The following CSGALNACT1 variants were observed in gnomAD, a reference collection of about 807,000 sequenced individuals.
The protein encoded by CSGALNACT1 is chondroitin sulfate N-acetylgalactosaminyltransferase 1.
In CSGALNACT1, 52 loss-of-function variants were observed where a neutral mutation model predicts 51.0. That is an observed-to-expected ratio of 1.02 (90% CI 0.82 to 1.29). The LOEUF is 1.29. CSGALNACT1 is among the 50% of genes most tolerant of loss of function. The pLI, the probability that CSGALNACT1 is intolerant of heterozygous loss-of-function variation, is 0.00. For missense variants in CSGALNACT1, 935 were observed against 679.2 expected, an observed-to-expected ratio of 1.38 and a Z score of -4.19; for synonymous variants, 341 against 254.4, an observed-to-expected ratio of 1.34 and a Z score of -3.24.
At chr8:19,601,203 C>A (rs2050354617) in intron 2 of CSGALNACT1, among the ~76,000 whole-genome samples, 1 of 152,168 alleles carries the variant, frequency 6.6e-6, no homozygotes. Context: ...TGTCCCCGGA[C>A]TAAAACCAAG....
At chr8:19,450,937 T>TAA (rs201185027) in intron 5 of CSGALNACT1, among the ~76,000 whole-genome samples, 4 of 149,950 alleles carry the variant, frequency 2.7e-5, no homozygotes, top group Non-Finnish European at 4.5e-5. Context: ...TAAAAAATAA[T>TAA]AAAAAAAAAG....
At chr8:19,513,434 C>CTATATATATATATATATATA (rs1353825526) in intron 3 of CSGALNACT1, among the ~76,000 whole-genome samples, 17 of 66,546 alleles carry the variant, frequency 2.6e-4, no homozygotes, top group Non-Finnish European at 4.9e-4. Context: ...CTCTCTCTCT[C>CTATATATATATATATATATA]TCTATATATA....
intron 1 of CSGALNACT1, among the ~76,000 whole-genome samples, chr8:19,751,770 C>T (rs917424948): frequency 2.6e-5 from 4 of 152,058 alleles, no homozygotes; most frequent in Non-Finnish European, 5.9e-5. Flanking sequence ...GCACTTCCCC[C>T]TTGGCTCTCT....
chr8:19,641,104 G>A (rs1250783415), intron 1 of CSGALNACT1, among the ~76,000 whole-genome samples: 1 of 132,816 alleles, frequency 7.5e-6, no homozygotes, highest in African/African-American at 2.8e-5. Flanking sequence ...GAATCTACCT[G>A]TATTACCAAT....
chr8:19,715,915 G>A (rs1474279147), intron 1 of CSGALNACT1, among the ~76,000 whole-genome samples: 1 of 152,164 alleles, frequency 6.6e-6, no homozygotes, highest in Non-Finnish European at 1.5e-5. Flanking sequence ...AGTGACTGCT[G>A]CACTCTCAGA....
At chr8:19,410,687 G>A (rs575568776) in intron 8 of CSGALNACT1, among the ~76,000 whole-genome samples, 1 of 152,368 alleles carries the variant, frequency 6.6e-6, no homozygotes, top group East Asian at 1.9e-4. Context: ...GGAACAGCGT[G>A]ATGGAGGCAG....
chr8:19,443,864 C>T (rs1291030759), intron 5 of CSGALNACT1, among the ~76,000 whole-genome samples: 2 of 152,068 alleles, frequency 1.3e-5, no homozygotes, highest in Non-Finnish European at 2.9e-5. Context: ...TCATGGAAGA[C>T]AATTTTTCCA....
chr8:19,577,538 G>C (rs1197555906), intron 3 of CSGALNACT1, among the ~76,000 whole-genome samples: 1 of 147,596 alleles, frequency 6.8e-6, no homozygotes. Context: ...TCCAGCCTCA[G>C]TGACAGCAAG....
chr8:19,600,161 C>T (rs1473561782), intron 2 of CSGALNACT1, among the ~76,000 whole-genome samples: 1 of 152,160 alleles, frequency 6.6e-6, no homozygotes, highest in Non-Finnish European at 1.5e-5. Flanking sequence ...TGGCTCACTG[C>T]AACCTCCACC....
At chr8:19,654,997 GAAAGACTGACATACATTCCTTTATTTAAA>G (rs1440445632) in intron 1 of CSGALNACT1, among the ~76,000 whole-genome samples, 1 of 151,900 alleles carries the variant, frequency 6.6e-6, no homozygotes, top group African/African-American at 2.4e-5. Context: ...TAAAAAGGAA[GAAAGACTGACATACATTCCTTTATTTAAA>G]AAATGGGTAT....
chr8:19,459,270 C>A (rs1218776543), intron 4 of CSGALNACT1, among the ~76,000 whole-genome samples: 1 of 150,114 alleles, frequency 6.7e-6, no homozygotes, highest in Non-Finnish European at 1.5e-5. Context: ...GTAACCCTGG[C>A]TACTTGGGAG....
intron 1 of CSGALNACT1, among the ~76,000 whole-genome samples, chr8:19,643,087 A>G (rs936645702): frequency 3.3e-5 from 5 of 152,136 alleles, no homozygotes; most frequent in African/African-American, 1.2e-4. Flanking sequence ...AAAAATTAAA[A>G]TTAATAAATT....
chr8:19,594,259 C>G lies in CSGALNACT1; in HGVS notation c.-415-2981G>C, dbSNP rs77002486. Among the ~76,000 whole-genome samples, 62 of 152,158 alleles carry G rather than the reference C, an allele frequency of 4.1e-4. No homozygotes were observed. The East Asian group carries it at 8.5e-3, about 21-fold the overall frequency. ...AGCTAGAGGTGTATGAAAAAACTAC[C>G]AGAGTTTATTGTCACAATATAGAAA... On this transcript the variant is annotated intron_variant, in intron 2 of 9. Transcript: ENST00000454498.
intron 3 of CSGALNACT1, among the ~76,000 whole-genome samples, chr8:19,518,104 AT>A (rs2079918343): frequency 6.6e-6 from 1 of 152,236 alleles, no homozygotes; most frequent in Admixed American, 6.5e-5. Flanking sequence ...GAGGGGACTA[AT>A]TTAAAAATGA....
intron 1 of CSGALNACT1, chr8:19,642,086 C>G (rs575386330): frequency 5.9e-5 from 9 of 152,280 alleles, no homozygotes; most frequent in African/African-American, 1.9e-4. Context: ...AGGAAAATGG[C>G]TTGTTAAATA....
intron 3 of CSGALNACT1, among the ~76,000 whole-genome samples, chr8:19,567,908 T>C (rs1365265523): frequency 6.6e-6 from 1 of 152,088 alleles, no homozygotes; most frequent in Non-Finnish European, 1.5e-5. Flanking sequence ...ATCAAAAATA[T>C]AAAGTACCTA....
At chr8:19,648,528 C>A (rs1465573247) in intron 1 of CSGALNACT1, among the ~76,000 whole-genome samples, 1 of 152,242 alleles carries the variant, frequency 6.6e-6, no homozygotes, top group Non-Finnish European at 1.5e-5. Flanking sequence ...AACAACCTGG[C>A]TCGACACTGT....
chr8:19,617,676 G>A (rs945675402), intron 1 of CSGALNACT1, among the ~76,000 whole-genome samples: 5 of 152,236 alleles, frequency 3.3e-5, no homozygotes, highest in South Asian at 4.1e-4. Flanking sequence ...TATTTTAAGC[G>A]AAGGCAGACT....
intron 1 of CSGALNACT1, among the ~76,000 whole-genome samples, chr8:19,655,459 C>T (rs902893021): frequency 6.6e-6 from 1 of 151,996 alleles, no homozygotes; most frequent in Non-Finnish European, 1.5e-5. Flanking sequence ...CTCCTTGGCT[C>T]AATCAATCCT....
Sources: allele counts gnomAD v4.1 joint callset (sites outside exome capture counted in the v4.1 genomes callset), GRCh38; gene constraint gnomAD v4.1.1; transcripts MANE v1.5; gene names NCBI Gene and HGNC (gene_info 2026-07-23, HGNC 2026-07-21).